Variants in ADGB observed in about 807,000 individuals in gnomAD.
ADGB encodes androglobin, also known as calpain-7-like protein.
ADGB carries 172 observed loss-of-function variants against 210.5 expected under a neutral mutation model. The observed-to-expected ratio is 0.82, with a 90% confidence interval of 0.72 to 0.93. The LOEUF is 0.93. Among genes scored for constraint, ADGB ranks in the 40% least tolerant of loss-of-function variants. ADGB has a pLI of 0.00. For synonymous variants in ADGB, 658 were observed against 662.7 expected (o/e 0.99, Z 0.11); for missense variants, 2,025 against 1,964.8 (o/e 1.03, Z -0.58).
chr6:146,645,238 A>G (rs755551551), intron 3 of ADGB, among the ~76,000 whole-genome samples: 2 of 152,022 alleles, frequency 1.3e-5, no homozygotes, highest in East Asian at 3.9e-4. Flanking sequence ...GCTTATTAGC[A>G]TTAATATTCC....
At chr6:146,737,763 C>T (rs890325444) in intron 23 of ADGB, among the ~76,000 whole-genome samples, 19 of 152,058 alleles carry the variant, frequency 1.2e-4, no homozygotes, top group African/African-American at 4.6e-4. Context: ...AGTGAGTGTC[C>T]CTATTAGGGA....
chr6:146,767,959 T>G (rs2114629879), intron 28 of ADGB, among the ~76,000 whole-genome samples: 1 of 152,276 alleles, frequency 6.6e-6, no homozygotes, highest in Middle Eastern at 3.4e-3. Flanking sequence ...GCATTAGACA[T>G]CAGAATATGA....
intron 27 of ADGB, among the ~76,000 whole-genome samples, chr6:146,755,745 G>T (rs1383454757): frequency 1.3e-5 from 2 of 151,566 alleles, no homozygotes; most frequent in East Asian, 1.9e-4. Context: ...GTATGTTTTT[G>T]AATTATTCCA....
At chr6:146,716,279 G>A (rs915114732) in intron 14 of ADGB, among the ~76,000 whole-genome samples, 3 of 151,908 alleles carry the variant, frequency 2.0e-5, no homozygotes, top group Non-Finnish European at 2.9e-5. Flanking sequence ...AATTTGTGTT[G>A]TAACTTCACA....
intron 16 of ADGB, among the ~76,000 whole-genome samples, chr6:146,720,905 G>A (rs942313784): frequency 5.3e-5 from 8 of 152,182 alleles, no homozygotes; most frequent in African/African-American, 1.7e-4. Context: ...TGGAAACACA[G>A]AGCCAAACCA....
chr6:146,697,385 T>C (rs1040011820), intron 12 of ADGB, among the ~76,000 whole-genome samples: 1 of 152,216 alleles, frequency 6.6e-6, no homozygotes, highest in Non-Finnish European at 1.5e-5. Context: ...CACTTTGAAT[T>C]TGTGCAGTTA....
At chr6:146,799,768 T>C (rs932855869) in intron 33 of ADGB, among the ~76,000 whole-genome samples, 1 of 152,092 alleles carries the variant, frequency 6.6e-6, no homozygotes. Flanking sequence ...GTACTTCCTC[T>C]CAATTTTACT....
At chr6:146,773,398 T>C (rs1777681042) in intron 29 of ADGB, among the ~76,000 whole-genome samples, 1 of 152,122 alleles carries the variant, frequency 6.6e-6, no homozygotes, top group Non-Finnish European at 1.5e-5. Flanking sequence ...ATGAAAAATA[T>C]ATAAATGGGA....
At chr6:146,604,103 G>A (rs891729916) in intron 1 of ADGB, among the ~76,000 whole-genome samples, 2 of 152,338 alleles carry the variant, frequency 1.3e-5, no homozygotes, top group Non-Finnish European at 1.5e-5. Context: ...GGTGACCTGT[G>A]TGGAGCTCAA....
chr6:146,648,966 C>T (rs775072295), intron 3 of ADGB, among the ~76,000 whole-genome samples: 6 of 151,670 alleles, frequency 4.0e-5, no homozygotes, highest in Non-Finnish European at 8.8e-5. Flanking sequence ...TTATATTAAA[C>T]CCATTTTAGT....
chr6:146,648,403 A>G (rs1775653041), intron 3 of ADGB, among the ~76,000 whole-genome samples: 2 of 152,068 alleles, frequency 1.3e-5, no homozygotes, highest in Non-Finnish European at 2.9e-5. Flanking sequence ...GAGACTGGGT[A>G]ATTTATGGAG....
At chr6:146,800,833 GC>G (rs1342774102) in intron 33 of ADGB, among the ~76,000 whole-genome samples, 2 of 152,120 alleles carry the variant, frequency 1.3e-5, no homozygotes, top group Non-Finnish European at 2.9e-5. Flanking sequence ...TAAATACTGG[GC>G]CATTTAACTT....
intron 9 of ADGB, among the ~76,000 whole-genome samples, chr6:146,682,686 A>G (rs1776173844): frequency 6.6e-6 from 1 of 152,166 alleles, no homozygotes; most frequent in Non-Finnish European, 1.5e-5. Flanking sequence ...AAGCAGTTTT[A>G]TTGATATATA....
chr6:146,815,221 G>A lies in ADGB; in HGVS notation c.*4G>A. On this transcript the variant is annotated 3_prime_UTR_variant, in exon 36 of 36. Transcript: ENST00000397944. ...AAAGAAAGGAAAGAAAAAGTAACCA[G>A]GGGATGTCCAATACTACCCTGCTTC... 6.7e-7 allele frequency: 1 copy of A among 1,501,096 alleles called. No individual in the cohort carries two copies. The allele number at this position is 1,501,096 out of a possible 1,614,324, so 93.0% of individuals were successfully genotyped here. A position where few individuals can be genotyped will look rare whatever the true frequency, so the allele number is the denominator to read the frequency against.
chr6:146,608,341 T>C (rs943102738), intron 1 of ADGB, among the ~76,000 whole-genome samples: 1 of 152,036 alleles, frequency 6.6e-6, no homozygotes, highest in South Asian at 2.1e-4. Context: ...GTTTTGTTGA[T>C]CTCTTGTATG....
At chr6:146,623,837 T>G (rs1305232647) in intron 1 of ADGB, among the ~76,000 whole-genome samples, 1 of 151,906 alleles carries the variant, frequency 6.6e-6, no homozygotes, top group Non-Finnish European at 1.5e-5. Flanking sequence ...ATTTAGATGA[T>G]CATAATTTTT....
chr6:146,750,769 G>GTC (rs1777309285), intron 26 of ADGB, among the ~76,000 whole-genome samples: 1 of 152,084 alleles, frequency 6.6e-6, no homozygotes, highest in Non-Finnish European at 1.5e-5. Flanking sequence ...TTTGCAAGAG[G>GTC]TTTCCAAACT....
chr6:146,716,966 A>G lies in ADGB; in HGVS notation c.1825A>G (p.Thr609Ala). 1 of 1,551,634 alleles carries G rather than the reference A, an allele frequency of 6.4e-7. No individual in the cohort carries two copies. The highest frequency in any genetic ancestry group is 8.7e-7 in the Non-Finnish European group (1 of 1,146,936). The change falls in exon 15 of 36, where the codon ACC becomes GCC. Residue 609 changes from threonine to alanine, a missense_variant. Thr to Ala is a moderately conservative substitution (Grantham distance 58). Transcript: ENST00000397944. Reference protein sequence around the residue: ...LNLEREIVSQTTATQEKSQEE... With the variant: ...LNLEREIVSQATATQEKSQEE... ...CTTGGAAAGAGAGATAGTCAGCCAG[A>G]CCACAGCAACACAGGAAAAGTCACA... is the stretch of plus-strand genomic sequence containing the variant.
At chr6:146,807,164 CTA>C (rs1370168561) in intron 35 of ADGB, among the ~76,000 whole-genome samples, 1 of 152,120 alleles carries the variant, frequency 6.6e-6, no homozygotes, top group Non-Finnish European at 1.5e-5. Flanking sequence ...TATGTTTTGA[CTA>C]TTTTTTCTAC....
Sources: allele counts gnomAD v4.1 joint callset (sites outside exome capture counted in the v4.1 genomes callset), GRCh38; gene constraint gnomAD v4.1.1; transcripts MANE v1.5; gene names NCBI Gene and HGNC (gene_info 2026-07-23, HGNC 2026-07-21).